HDLBP: variants seen among roughly 807,000 people sequenced by gnomAD.
HDLBP encodes the protein high density lipoprotein binding protein, also known as vigilin.
Under a neutral mutation model 137.3 loss-of-function variants are expected in HDLBP, and 30 were observed. That is an observed-to-expected ratio of 0.22 (90% CI 0.16 to 0.30). The LOEUF (loss-of-function observed/expected upper bound fraction) is 0.30. HDLBP is among the 10% of genes least tolerant of loss of function. The pLI, the probability that HDLBP is intolerant of heterozygous loss-of-function variation, is 1.00. For synonymous variants in HDLBP, 606 were observed against 596.0 expected (o/e 1.02, Z -0.24); for missense variants, 1,119 against 1,667.3 (o/e 0.67, Z 5.73).
In HDLBP at chr2:241,255,469, C is replaced by T. The variant is rs556038051; in HGVS notation, c.985G>A (p.Val329Ile). 4.6e-5 allele frequency: 75 copies of T among 1,614,138 alleles called. No homozygotes were observed. In the South Asian group the frequency reaches 4.9e-4, roughly 11 times the overall value. ...ATGCTGTCTGAGGGTGGGATCTCAACGGAAACTCCAGTTCTCTCAAGGATC... is the reference window on the plus strand; with the variant it reads ...ATGCTGTCTGAGGGTGGGATCTCAATGGAAACTCCAGTTCTCTCAAGGATC... ...QEILERTGVS[V>I]EIPPSDSISE... Residue 329 changes from valine to isoleucine, a missense_variant, in exon 8 of 28, where the codon GTT (valine) becomes ATT (isoleucine). Val to Ile is a conservative substitution (Grantham distance 29, BLOSUM62 3). Around this residue, in one of 4 missense-constraint regions of HDLBP, gnomAD observed 425 missense variants for 693.9 expected, o/e 0.61. Transcript: ENST00000310931.
chr2:241,245,187 CTTTT>C (rs72269646), intron 16 of HDLBP, among the ~76,000 whole-genome samples: 2 of 143,224 alleles, frequency 1.4e-5, no homozygotes, highest in Non-Finnish European at 3.1e-5. Flanking sequence ...AATCTTTTTT[CTTTT>C]TTTTTTTTTT....
At chr2:241,236,882 G>C (rs2070543774) in intron 20 of HDLBP, 113 bp from the exon 21 acceptor site, 1 of 1,088,612 alleles carries the variant, frequency 9.2e-7, no homozygotes, top group Non-Finnish European at 1.3e-6. Context: ...GTAAAAGGGA[G>C]GGAAAACCAC....
chr2:241,307,275 C>T (rs967194420), intron 1 of HDLBP, among the ~76,000 whole-genome samples: 1 of 152,146 alleles, frequency 6.6e-6, no homozygotes, highest in Admixed American at 6.5e-5. Flanking sequence ...ATCTGAAAAA[C>T]GCTTATTTGA....
chr2:241,256,590 C>T lies in HDLBP; in HGVS notation c.657+10G>A, dbSNP rs764475909. ...TAGGCAGGGGCACGAGGCACTCACACAGGCCTCACCTGCTCGGCAGAGATG... is the reference window on the plus strand; with the variant it reads ...TAGGCAGGGGCACGAGGCACTCACATAGGCCTCACCTGCTCGGCAGAGATG... On this transcript the variant is annotated intron_variant, in intron 6 of 27. Coordinates refer to ENST00000310931, the MANE Select transcript of HDLBP (RefSeq NM_005336.6). The T allele has an allele frequency of 3.7e-6, 6 of 1,612,746 alleles. No homozygotes were observed. In the East Asian group the frequency reaches 8.9e-5, roughly 24 times the overall value.
intron 22 of HDLBP, 107 bp from the exon 23 acceptor site, chr2:241,235,362 A>G (rs1461889593): frequency 2.0e-6 from 3 of 1,538,054 alleles, no homozygotes; most frequent in Non-Finnish European, 2.7e-6. Context: ...CCCGCCGTGA[A>G]GGGAAGTCAG....
At chr2:241,261,212 A>AG (rs1553645514) in intron 5 of HDLBP, among the ~76,000 whole-genome samples, 21 of 148,692 alleles carry the variant, frequency 1.4e-4, no homozygotes, top group East Asian at 8.0e-4. Context: ...AAAAAAAAAA[A>AG]GGGGGTAGGA....
In HDLBP at chr2:241,253,531, A is replaced by AGAAT. The variant is rs765781108; in HGVS notation, c.1189-38_1189-35dup. ...CCAAAACCAAAGAGATAGCTAAAAC[A>AGAAT]GAATGGCACAGCTGCAGCCCCTGAG... On this transcript the variant is annotated intron_variant, in intron 9 of 27. Coordinates refer to ENST00000310931, the MANE Select transcript of HDLBP (RefSeq NM_005336.6). 1.8e-5 allele frequency: 26 copies of AGAAT among 1,438,948 alleles called. No individual in the cohort carries two copies. In the East Asian group the frequency reaches 2.0e-4, roughly 11 times the overall value. 89.1% of individuals were successfully genotyped at this position (1,438,948 alleles called of 1,614,324 possible).
At chr2:241,242,736 A>G in intron 16 of HDLBP, 58 bp from the exon 17 acceptor site, 2 of 1,386,620 alleles carry the variant, frequency 1.4e-6, no homozygotes, top group South Asian at 2.4e-5. Flanking sequence ...AAAAGGGCAG[A>G]GGAAAAGATA....
Position 241,255,169 on chromosome 2 carries a change from G to T in HDLBP, c.1081-11C>A. On this transcript the variant is annotated splice_polypyrimidine_tract_variant and intron_variant, in intron 8 of 27. Transcript: ENST00000310931. Reference sequence around the variant, plus strand: ...GGTGAAGCTATTGGCCTAAGAAAATGGGAGAACAGCCATGGGTTTGCAGAG... The same window carrying T: ...GGTGAAGCTATTGGCCTAAGAAAATTGGAGAACAGCCATGGGTTTGCAGAG... 1.2e-6 allele frequency: 2 copies of T among 1,610,572 alleles called. No homozygotes were observed. The highest frequency in any genetic ancestry group is 2.2e-5 in the South Asian group (2 of 90,918).
chr2:241,286,940 T>C (rs1348214750), intron 1 of HDLBP, among the ~76,000 whole-genome samples: 4 of 124,940 alleles, frequency 3.2e-5, no homozygotes, highest in Non-Finnish European at 7.0e-5. Context: ...AGCAAGACCC[T>C]GTTTCCAAAA....
intron 17 of HDLBP, among the ~76,000 whole-genome samples, chr2:241,241,658 G>A (rs1360324842): frequency 6.8e-6 from 1 of 146,574 alleles, no homozygotes; most frequent in Non-Finnish European, 1.5e-5. Flanking sequence ...GCAGCCTCGT[G>A]AAGGTCAACA....
intron 1 of HDLBP, among the ~76,000 whole-genome samples, chr2:241,289,899 C>T (rs1363857567): frequency 6.6e-6 from 1 of 151,748 alleles, no homozygotes; most frequent in African/African-American, 2.4e-5. Context: ...AGCTACTGCA[C>T]GTGTGGGATG....
intron 1 of HDLBP, among the ~76,000 whole-genome samples, chr2:241,306,664 T>A (rs112882544): frequency 6.6e-6 from 1 of 151,870 alleles, no homozygotes; most frequent in East Asian, 1.9e-4. Flanking sequence ...CAGCACTTCA[T>A]TGGGAGGCCG....
At chr2:241,289,591 T>C (rs1011706543) in intron 1 of HDLBP, among the ~76,000 whole-genome samples, 1 of 152,164 alleles carries the variant, frequency 6.6e-6, no homozygotes, top group Non-Finnish European at 1.5e-5. Flanking sequence ...GTCTCATCTA[T>C]AAAGAGAGAA....
At chr2:241,283,706 C>T (rs1044452617) in intron 1 of HDLBP, among the ~76,000 whole-genome samples, 6 of 152,044 alleles carry the variant, frequency 3.9e-5, no homozygotes, top group Non-Finnish European at 8.8e-5. Flanking sequence ...GATCTCCTGA[C>T]CTCGTGATCC....
chr2:241,286,651 C>A (rs1025652389), intron 1 of HDLBP, among the ~76,000 whole-genome samples: 1 of 152,168 alleles, frequency 6.6e-6, no homozygotes, highest in African/African-American at 2.4e-5. Context: ...GTCATCAGGA[C>A]CTCCTGAGGC....
rs1438673965 is a variant in HDLBP at position 241,229,010 on chromosome 2, A to T, written c.*591T>A. The T allele has an allele frequency of 1.3e-5, 2 of 154,084 alleles. No homozygotes were observed. Among genetic ancestry groups the T allele is most frequent in the African/African-American group, 4.8e-5 (2 of 41,476 alleles). 9.5% of individuals were successfully genotyped at this position (154,084 alleles called of 1,614,324 possible). ...GCAGGTAAAATCAGGACTGCCTGAG[A>T]ACCCGTCACCCTCTGCCTCTCAGGT... On this transcript the variant is annotated 3_prime_UTR_variant, in exon 28 of 28. Transcript: ENST00000310931.
In HDLBP at chr2:241,230,020, C is replaced by T. The variant is rs1023270844; in HGVS notation, c.3592-59G>A. The T allele has an allele frequency of 2.3e-5, 36 of 1,574,452 alleles. No homozygotes were observed. The highest frequency in any genetic ancestry group is 7.0e-5 in the Admixed American group (4 of 57,140). On this transcript the variant is annotated intron_variant, in intron 26 of 27. Coordinates refer to ENST00000310931, the MANE Select transcript of HDLBP (RefSeq NM_005336.6). This position sits in a 1 kb window ranked among gnomAD's most constrained non-coding sequence, Gnocchi z 5.0. The stretch of plus-strand genomic sequence containing the variant: ...TGCCCAGCACCCCCAGCATCCCGCC[C>T]GCCTGCTCACCCCTGCACCTCGCCT...
intron 11 of HDLBP, 109 bp downstream of exon 11, chr2:241,252,848 C>A (rs933681188): frequency 1.5e-6 from 1 of 661,010 alleles, no homozygotes; most frequent in Non-Finnish European, 2.7e-6. Context: ...CCATTACAGG[C>A]AGCAATGGGC....
Sources: allele counts gnomAD v4.1 joint callset (sites outside exome capture counted in the v4.1 genomes callset), GRCh38; gene constraint gnomAD v4.1.1; regional missense constraint gnomAD v4.1.1; non-coding constraint Gnocchi (gnomAD v3.1); transcripts MANE v1.5; gene names NCBI Gene and HGNC (gene_info 2026-07-23, HGNC 2026-07-21).